The following GPATCH1 variants were observed in gnomAD, a reference collection of about 807,000 sequenced individuals.
GPATCH1 encodes G patch domain-containing protein 1.
Under a neutral mutation model 114.9 loss-of-function variants are expected in GPATCH1, and 73 were observed. That is an observed-to-expected ratio of 0.64 (90% CI 0.53 to 0.77). The LOEUF is 0.77. Ranked by LOEUF, GPATCH1 falls within the 30% of genes least tolerant of loss-of-function variation. The probability of loss-of-function intolerance (pLI) is 0.00; values close to 1 mark genes in which losing one functional copy is unlikely to be tolerated. For synonymous variants in GPATCH1, 391 were observed against 428.4 expected, an observed-to-expected ratio of 0.91 and a Z score of 1.08; for missense variants, 1,058 against 1,144.3, an observed-to-expected ratio of 0.92 and a Z score of 1.09.
chr19:33,081,226 T>A lies in GPATCH1; in HGVS notation c.33T>A (p.Asp11Glu). 6.4e-7 allele frequency: 1 copy of A among 1,551,796 alleles called. No individual in the cohort carries two copies. The highest frequency in any genetic ancestry group is 8.7e-7 in the Non-Finnish European group (1 of 1,147,084). The part of the protein sequence containing the change: MAARDSDSEE[D>E]LVSYGTGLEP... Reference sequence around the variant, plus strand: ...CGCGGGACAGTGACAGCGAAGAAGATCTGGTCAGCTATGGGACCGGGCTGG... The same window carrying A: ...CGCGGGACAGTGACAGCGAAGAAGAACTGGTCAGCTATGGGACCGGGCTGG... The change falls in exon 1 of 20, where the codon GAT (aspartate) becomes GAA (glutamate). Residue 11 changes from aspartate to glutamate, a missense_variant. Asp to Glu is a conservative substitution (Grantham distance 45). Transcript: ENST00000170564.
At chr19:33,127,562 C>T (rs1268186290) in intron 19 of GPATCH1, among the ~76,000 whole-genome samples, 2 of 151,570 alleles carry the variant, frequency 1.3e-5, no homozygotes, top group Non-Finnish European at 2.9e-5. Context: ...ACCTTACAGC[C>T]AATGCTTAAA....
rs781327116 is a variant in GPATCH1 at position 33,096,286 on chromosome 19, A to T, written c.692A>T (p.Asp231Val). 1 of 1,614,134 alleles carries T rather than the reference A, an allele frequency of 6.2e-7. No homozygotes were observed. Among genetic ancestry groups the T allele is most frequent in the Admixed American group, 1.7e-5 (1 of 60,020 alleles). Residue 231 changes from aspartate to valine, a missense_variant, in exon 7 of 20, where the codon GAT becomes GTT. Coordinates refer to ENST00000170564, the MANE Select transcript of GPATCH1 (RefSeq NM_018025.3). ...DVTPVDFTPK[D>V]NVHGLAYKGL... ...ACACCTGTGGATTTCACACCTAAAG[A>T]TAATGTGCATGGTCTAGCTTACAAG...
chr19:33,098,975 C>T (rs1299765404), intron 8 of GPATCH1, among the ~76,000 whole-genome samples: 2 of 150,892 alleles, frequency 1.3e-5, no homozygotes, highest in African/African-American at 4.9e-5. Flanking sequence ...TTCCTTTTGC[C>T]TCCCTATAGT....
Position 33,107,999 on chromosome 19 carries a change from G to A in GPATCH1, c.1285+1100G>A, listed in dbSNP as rs531384239. Among the ~76,000 whole-genome samples, 26 of 151,616 alleles carry A rather than the reference G, an allele frequency of 1.7e-4. No homozygotes were observed. In the East Asian group the frequency reaches 4.9e-3, roughly 28 times the overall value. On this transcript the variant is annotated intron_variant, in intron 10 of 19. Coordinates refer to ENST00000170564, the MANE Select transcript of GPATCH1 (RefSeq NM_018025.3). ...ATATCTCCTAATGCTATCCCTCCCC[G>A]CTTCCCCGGGAGGCCTAATTCTTAG... is the stretch of plus-strand genomic sequence containing the variant.
chr19:33,127,433 G>A (rs891246342), intron 19 of GPATCH1, among the ~76,000 whole-genome samples: 1 of 150,714 alleles, frequency 6.6e-6, no homozygotes, highest in Non-Finnish European at 1.5e-5. Flanking sequence ...GGAGAATGGC[G>A]TCAACCTGGG....
rs749540864 is a variant in GPATCH1, at chr19:33,119,155, G to C, written c.2521+38G>C. ...CCCTTTGGTTCGCCCATTTTTATCAGTGTGTGATTGCCCTGAGATGGGGAC... is the reference window on the plus strand; with the variant it reads ...CCCTTTGGTTCGCCCATTTTTATCACTGTGTGATTGCCCTGAGATGGGGAC... On this transcript the variant is annotated intron_variant, in intron 17 of 19. Coordinates refer to ENST00000170564, the MANE Select transcript of GPATCH1 (RefSeq NM_018025.3). 3.5e-6 allele frequency: 4 copies of C among 1,132,190 alleles called. No homozygotes were observed. The East Asian group carries it at 9.6e-5, about 27-fold the overall frequency. 70.1% of individuals were successfully genotyped at this position (1,132,190 alleles called of 1,614,324 possible).
chr19:33,092,049 CT>C (rs200494204), intron 3 of GPATCH1, among the ~76,000 whole-genome samples: 21,863 of 145,262 alleles, frequency 0.15, 1,936 homozygotes, highest in South Asian at 0.34. Context: ...CTTTTCTTTT[CT>C]TTTTTTTTTT....
At position 33,084,069 on chromosome 19, in the gene GPATCH1, C is replaced by A. The variant is rs532675009; in HGVS notation, c.73+2803C>A. ...AGGTGATCTGCCTGCCTCGGCCTCC[C>A]AAAGTGCTGGGATTACAGGCGTGAG... On this transcript the variant is annotated intron_variant, in intron 1 of 19. Transcript: ENST00000170564. Among the ~76,000 whole-genome samples the A allele has an allele frequency of 2.6e-4, 40 of 152,310 alleles. No homozygotes were observed. In the East Asian group the frequency reaches 7.5e-3, roughly 29 times the overall value.
At chr19:33,087,993 G>A (rs1311096840) in intron 1 of GPATCH1, 141 bp from the exon 2 acceptor site, 1 of 525,712 alleles carries the variant, frequency 1.9e-6, no homozygotes, top group East Asian at 3.1e-5. Context: ...GTAAAGTCTA[G>A]GAATAACAAT....
intron 17 of GPATCH1, among the ~76,000 whole-genome samples, chr19:33,120,985 G>A (rs940198943): frequency 1.5e-4 from 22 of 150,282 alleles, no homozygotes; most frequent in Middle Eastern, 3.4e-3. Flanking sequence ...GCAAGACTCC[G>A]TCTCAAAAAA....
Position 33,098,935 on chromosome 19 carries a change from T to C in GPATCH1, c.1000+1033T>C, listed in dbSNP as rs199857612. 2.8e-3 allele frequency among the ~76,000 whole-genome samples: 428 copies of C among 151,830 alleles called. 4 individuals are homozygous for C. The highest frequency in any genetic ancestry group is 0.018 in the Admixed American group (267 of 15,200). On this transcript the variant is annotated intron_variant, in intron 8 of 19. Coordinates refer to ENST00000170564, the MANE Select transcript of GPATCH1 (RefSeq NM_018025.3). ...TCCTTCCAATGTTTTTCTTTTTTTT[T>C]CCCCTGAGTCATTTAGCTTCTGAGC...
At chr19:33,106,572 CCTG>C in intron 9 of GPATCH1, 120 bp from the exon 10 acceptor site, 1 of 731,934 alleles carries the variant, frequency 1.4e-6, no homozygotes, top group South Asian at 1.6e-5. Flanking sequence ...GTGCTACCTG[CCTG>C]CTGAGTGTTA....
rs753209985 is a variant in GPATCH1 at position 33,117,935 on chromosome 19, C to A, written c.2307C>A (p.Ser769=). The A allele has an allele frequency of 6.2e-7, 1 of 1,612,524 alleles. No individual in the cohort carries two copies. The highest frequency in any genetic ancestry group is 1.1e-5 in the South Asian group (1 of 91,064). Residue 769 remains serine, a synonymous_variant, in exon 16 of 20, where the codon TCC becomes TCA. Coordinates refer to ENST00000170564, the MANE Select transcript of GPATCH1 (RefSeq NM_018025.3). ...ASSSDEKSSS[S]EDEQGDSEDD... ...CCTCAGATGAAAAGTCCTCATCCTC[C>A]GAGGATGAGCAAGGTGACAGTGAAG...
chr19:33,107,545 A>G (rs1481938076), intron 10 of GPATCH1, among the ~76,000 whole-genome samples: 4 of 152,150 alleles, frequency 2.6e-5, no homozygotes, highest in Admixed American at 6.6e-5. Flanking sequence ...TCTTCTCCCG[A>G]AAGTCTGAAA....
In GPATCH1 at chr19:33,098,039, G is replaced by A. The variant is rs1249066670; in HGVS notation, c.1000+137G>A. ...GTAAGAAACAAAACAAAGAAGCGAG[G>A]CCCAGCATGGGAAGTGAAACAAATG... is the stretch of plus-strand genomic sequence containing the variant. On this transcript the variant is annotated intron_variant, in intron 8 of 19. Transcript: ENST00000170564. The A allele has an allele frequency of 4.7e-6, 4 of 855,096 alleles. No individual in the cohort carries two copies. In the African/African-American group the frequency reaches 6.8e-5, roughly 15 times the overall value. 53.0% of individuals were successfully genotyped at this position (855,096 alleles called of 1,614,324 possible).
chr19:33,108,573 A>G (rs1972814011), intron 10 of GPATCH1, among the ~76,000 whole-genome samples: 1 of 150,492 alleles, frequency 6.6e-6, no homozygotes, highest in Non-Finnish European at 1.5e-5. Context: ...CCCGACCACC[A>G]TATAATCTGG....
intron 15 of GPATCH1, among the ~76,000 whole-genome samples, chr19:33,115,572 G>A (rs1009253878): frequency 8.8e-5 from 13 of 147,516 alleles, no homozygotes; most frequent in South Asian, 2.2e-4. Context: ...TCGGCTCACC[G>A]CAACCTCTGC....
At chr19:33,109,647 T>A (rs1972826860) in intron 10 of GPATCH1, 70 bp from the exon 11 acceptor site, 2 of 944,708 alleles carry the variant, frequency 2.1e-6, no homozygotes. Flanking sequence ...TTGAAATGTA[T>A]GTACAGAGAA....
chr19:33,087,769 C>T (rs1457824288), intron 1 of GPATCH1, among the ~76,000 whole-genome samples: 2 of 149,744 alleles, frequency 1.3e-5, no homozygotes, highest in Non-Finnish European at 1.5e-5. Flanking sequence ...CTGCAACCTC[C>T]ACCTCTCGGG....
Sources: gnomAD v4.1 joint callset for allele counts (sites outside exome capture counted in the v4.1 genomes callset) on GRCh38, gnomAD v4.1.1 for gene constraint, MANE v1.5 for transcripts, NCBI Gene and HGNC (gene_info 2026-07-23, HGNC 2026-07-21) for gene names.